Variants in COPA observed in about 807,000 individuals in gnomAD.
The protein encoded by COPA is coatomer subunit alpha.
In COPA, 10 loss-of-function variants were observed where a neutral mutation model predicts 158.7. The observed-to-expected ratio is 0.06, with a 90% CI of 0.04 to 0.11. COPA has a LOEUF of 0.11. Ranked by LOEUF, COPA falls within the 10% of genes least tolerant of loss-of-function variation. COPA has a pLI of 1.00. For missense variants in COPA, 1,065 were observed against 1,536.7 expected (o/e 0.69, Z 5.13); for synonymous variants, 462 against 542.8 (o/e 0.85, Z 2.07).
intron 6 of COPA, among the ~76,000 whole-genome samples, chr1:160,329,246 T>A (rs1647394309): frequency 6.6e-6 from 1 of 152,116 alleles, no homozygotes; most frequent in African/African-American, 2.4e-5. Flanking sequence ...GAGTTGTGGG[T>A]AAAGAACAAC....
At chr1:160,306,291 C>T in intron 15 of COPA, 63 bp downstream of exon 15, 1 of 1,513,190 alleles carries the variant, frequency 6.6e-7, no homozygotes, top group Non-Finnish European at 8.8e-7. Context: ...AAAAGGTTCC[C>T]ACTAAAGATG....
At chr1:160,307,735 A>G (rs557863397) in intron 13 of COPA, among the ~76,000 whole-genome samples, 1 of 152,368 alleles carries the variant, frequency 6.6e-6, no homozygotes, top group East Asian at 1.9e-4. Flanking sequence ...GGCGGTATTT[A>G]GAACCAAGTT....
intron 7 of COPA, 33 bp from the exon 8 acceptor site, chr1:160,323,563 T>G (rs758911885): frequency 1.2e-5 from 18 of 1,535,020 alleles, no homozygotes; most frequent in Non-Finnish European, 1.5e-5. Flanking sequence ...TAAAACATCT[T>G]TATAGTCATT....
chr1:160,321,157 A>G (rs888620429), intron 8 of COPA, among the ~76,000 whole-genome samples: 5 of 152,256 alleles, frequency 3.3e-5, no homozygotes, highest in African/African-American at 1.2e-4. Flanking sequence ...CCTTTATAAC[A>G]AAAGTTATTA....
chr1:160,323,955 G>A (rs1488126590), intron 7 of COPA, among the ~76,000 whole-genome samples: 1 of 151,730 alleles, frequency 6.6e-6, no homozygotes, highest in Non-Finnish European at 1.5e-5. Flanking sequence ...TCTGCCTCCC[G>A]GGTTCAAGTA....
intron 12 of COPA, among the ~76,000 whole-genome samples, chr1:160,309,698 C>T (rs571466322): frequency 6.6e-6 from 1 of 150,786 alleles, no homozygotes; most frequent in Non-Finnish European, 1.5e-5. Flanking sequence ...TAACTTCATT[C>T]CTTTTAACTT....
chr1:160,335,380 AG>A, intron 3 of COPA, 58 bp from the exon 4 acceptor site: 1 of 1,366,374 alleles, frequency 7.3e-7, no homozygotes, highest in Non-Finnish European at 1.0e-6. Flanking sequence ...TAAAAGGCTC[AG>A]AGAAATTGAT....
intron 3 of COPA, 55 bp downstream of exon 3, chr1:160,339,854 C>A: frequency 6.5e-7 from 1 of 1,535,244 alleles, no homozygotes; most frequent in Non-Finnish European, 9.0e-7. Context: ...TCATGATTCC[C>A]AAACCTTCCC....
chr1:160,310,184 T>A lies in COPA; in HGVS notation c.1143+8A>T. ...GGAGAACCTAGGAGGGCTCCACAGG[T>A]TACTTACTGTACAAAGCAGGACTGC... On this transcript the variant is annotated splice_region_variant and intron_variant, in intron 12 of 32. Transcript: ENST00000241704. 6.4e-7 allele frequency: 1 copy of A among 1,559,702 alleles called. No homozygotes were observed. Among genetic ancestry groups the A allele is most frequent in the Non-Finnish European group, 8.7e-7 (1 of 1,152,778 alleles).
In COPA at chr1:160,314,039, G is replaced by A; in HGVS notation, c.793C>T (p.Leu265Phe). 6.2e-7 allele frequency: 1 copy of A among 1,614,040 alleles called. No homozygotes were observed. Among genetic ancestry groups the A allele is most frequent in the African/African-American group, 1.3e-5 (1 of 75,008 alleles). ...ATACTCTTGTCCTCAGAATTGCTGA[G>A]GATCAACTCTTGGCGAGGGTGGAAG... ...AVFHPRQELI[L>F]SNSEDKSIRV... The change falls in exon 9 of 33, where the codon CTC becomes TTC. Residue 265 changes from leucine (L) to phenylalanine (F), a missense_variant. Transcript: ENST00000241704.
At chr1:160,334,821 C>G (rs1647687112) in intron 4 of COPA, among the ~76,000 whole-genome samples, 1 of 152,090 alleles carries the variant, frequency 6.6e-6, no homozygotes, top group Non-Finnish European at 1.5e-5. Flanking sequence ...CCCAAAAATC[C>G]TAGGATAGAG....
intron 1 of COPA, among the ~76,000 whole-genome samples, 154 bp downstream of exon 1, chr1:160,342,977 C>T (rs1268315898): frequency 6.6e-6 from 1 of 152,188 alleles, no homozygotes; most frequent in African/African-American, 2.4e-5. Flanking sequence ...TGGAGAACCG[C>T]TAGCCAGGCC....
intron 1 of COPA, among the ~76,000 whole-genome samples, chr1:160,340,636 G>A: frequency 6.6e-6 from 1 of 152,184 alleles, no homozygotes; most frequent in Middle Eastern, 3.2e-3. Context: ...ATAGCCATCT[G>A]AGGTCTCTAT....
At chr1:160,339,738 G>A in intron 3 of COPA, 171 bp downstream of exon 3, 1 of 578,548 alleles carries the variant, frequency 1.7e-6, no homozygotes, top group Non-Finnish European at 3.1e-6. Context: ...AACAGTGTCT[G>A]GTACACAGTA....
At chr1:160,305,619 C>T (rs767651277) in intron 16 of COPA, 48 bp from the exon 17 acceptor site, 9 of 1,613,846 alleles carry the variant, frequency 5.6e-6, no homozygotes, top group Non-Finnish European at 7.6e-6. Context: ...GGGTAAGTGC[C>T]GTAGACTGGC....
chr1:160,300,459 A>G (rs956048302), intron 17 of COPA, among the ~76,000 whole-genome samples: 2 of 152,040 alleles, frequency 1.3e-5, no homozygotes, highest in African/African-American at 2.4e-5. Context: ...GAAAACACCT[A>G]TAGTCCTATA....
Position 160,339,918 on chromosome 1 carries a change from A to G in COPA, c.219T>C (p.Tyr73=), listed in dbSNP as rs759528054. ...QPLFVSGGDD[Y]KIKVWNYKLR... Reference sequence around the variant, plus strand: ...GACAGACCCTCTGTACCTTAATCTTATAGTCATCTCCTCCAGAGACGAACA... The same window carrying G: ...GACAGACCCTCTGTACCTTAATCTTGTAGTCATCTCCTCCAGAGACGAACA... Residue 73 remains tyrosine, a synonymous_variant, in exon 3 of 33, where the codon TAT becomes TAC. Coordinates refer to ENST00000241704, the MANE Select transcript of COPA (RefSeq NM_004371.4). 14 of 1,613,810 alleles carry G rather than the reference A, an allele frequency of 8.7e-6. No individual in the cohort carries two copies. Among genetic ancestry groups the G allele is most frequent in the Non-Finnish European group, 1.2e-5 (14 of 1,179,732 alleles).
intron 6 of COPA, 42 bp from the exon 7 acceptor site, chr1:160,325,694 T>C (rs367850851): frequency 7.0e-7 from 1 of 1,431,108 alleles, no homozygotes; most frequent in African/African-American, 1.4e-5. Flanking sequence ...GTAAACATAA[T>C]ATTATCTAAA....
At chr1:160,319,381 T>C (rs1430169814) in intron 8 of COPA, among the ~76,000 whole-genome samples, 1 of 150,934 alleles carries the variant, frequency 6.6e-6, no homozygotes, top group Non-Finnish European at 1.5e-5. Flanking sequence ...CTCCCAAGTA[T>C]ATAAAGCAAA....
Sources: gnomAD v4.1 joint callset for allele counts (sites outside exome capture counted in the v4.1 genomes callset) on GRCh38, gnomAD v4.1.1 for gene constraint, MANE v1.5 for transcripts, NCBI Gene and HGNC (gene_info 2026-07-23, HGNC 2026-07-21) for gene names.